The following ELMO1 variants were observed in gnomAD, a reference collection of about 807,000 sequenced individuals.
The protein encoded by ELMO1 is engulfment and cell motility protein 1.
Under a neutral mutation model 98.9 loss-of-function variants are expected in ELMO1, and 26 were observed. That is an observed-to-expected ratio of 0.26 (90% CI 0.19 to 0.36). The LOEUF (loss-of-function observed/expected upper bound fraction) is 0.36. Ranked by LOEUF, ELMO1 falls within the 10% of genes least tolerant of loss-of-function variation. The pLI, the probability that ELMO1 is intolerant of heterozygous loss-of-function variation, is 1.00. For synonymous variants in ELMO1, 346 were observed against 346.0 expected, an observed-to-expected ratio of 1.00 and a Z score of 0.00; for missense variants, 627 against 935.2, an observed-to-expected ratio of 0.67 and a Z score of 4.30.
At chr7:37,168,126 C>T (rs1295814315) in intron 13 of ELMO1, among the ~76,000 whole-genome samples, 3 of 151,982 alleles carry the variant, frequency 2.0e-5, no homozygotes, top group Non-Finnish European at 4.4e-5. Flanking sequence ...TCCAGTTGAT[C>T]GCATTGGCTC....
chr7:37,141,480 T>C (rs1411337616), intron 13 of ELMO1, among the ~76,000 whole-genome samples: 5 of 152,040 alleles, frequency 3.3e-5, no homozygotes, highest in African/African-American at 1.2e-4. Flanking sequence ...CTTATTCATG[T>C]AACCAAACAT....
At chr7:36,897,537 G>A (rs1806140624) in intron 16 of ELMO1, among the ~76,000 whole-genome samples, 1 of 152,124 alleles carries the variant, frequency 6.6e-6, no homozygotes, top group South Asian at 2.1e-4. Flanking sequence ...AGGACCAGCT[G>A]TGGGGCTGAG....
intron 16 of ELMO1, among the ~76,000 whole-genome samples, chr7:36,917,518 A>G (rs1254419135): frequency 6.6e-6 from 1 of 152,204 alleles, no homozygotes; most frequent in Non-Finnish European, 1.5e-5. Flanking sequence ...CCAAATGGGT[A>G]AAAAGTATGT....
intron 16 of ELMO1, among the ~76,000 whole-genome samples, chr7:36,899,717 G>A (rs59964204): frequency 0.33 from 15,871 of 48,360 alleles, 1,372 homozygotes; most frequent in East Asian, 0.52. Flanking sequence ...CCTAAACTAG[G>A]AGTACTAATC....
chr7:37,094,240 T>C (rs946469490), intron 15 of ELMO1, among the ~76,000 whole-genome samples: 1 of 152,042 alleles, frequency 6.6e-6, no homozygotes, highest in African/African-American at 2.4e-5. Context: ...CCTGAGTGAG[T>C]TGTGGCAGAA....
At chr7:37,186,891 G>C (rs915686594) in intron 13 of ELMO1, among the ~76,000 whole-genome samples, 1 of 152,204 alleles carries the variant, frequency 6.6e-6, no homozygotes, top group Non-Finnish European at 1.5e-5. Flanking sequence ...CTTTGGAAAA[G>C]TCTGGCATTT....
At chr7:37,086,765 A>AAAAAAAAAAAG (rs1491293564) in intron 15 of ELMO1, among the ~76,000 whole-genome samples, 19 of 142,606 alleles carry the variant, frequency 1.3e-4, no homozygotes, top group Non-Finnish European at 2.4e-4. Flanking sequence ...AAAAAAAAAA[A>AAAAAAAAAAAG]GAAATCTTTG....
intron 1 of ELMO1, among the ~76,000 whole-genome samples, chr7:37,411,676 T>C (rs1803999837): frequency 6.6e-6 from 1 of 152,194 alleles, no homozygotes; most frequent in South Asian, 2.1e-4. Context: ...ATTGTTATGT[T>C]GAGAAAACTA....
intron 15 of ELMO1, among the ~76,000 whole-genome samples, chr7:37,015,307 A>G (rs1793856718): frequency 6.6e-6 from 1 of 152,058 alleles, no homozygotes; most frequent in Non-Finnish European, 1.5e-5. Flanking sequence ...TCTTAACTAA[A>G]AAAATGGAGG....
At position 36,870,185 on chromosome 7, in the gene ELMO1, GT is replaced by G. The variant is rs1803390115; in HGVS notation, c.1905+207del. Among the ~76,000 whole-genome samples, 1 of 152,048 alleles carries G rather than the reference GT, an allele frequency of 6.6e-6. No individual in the cohort carries two copies. Among genetic ancestry groups the G allele is most frequent in the South Asian group, 2.1e-4 (1 of 4,816 alleles). ...AGGAAGTGAGAGAATGGAAAAGATG[GT>G]GAGCATCAGAAAAGGGGTCAGAAAG... is the stretch of plus-strand genomic sequence containing the variant. On this transcript the variant is annotated intron_variant, in intron 20 of 21. Transcript: ENST00000310758. The surrounding 1 kb of genome is among the most constrained non-coding windows in gnomAD (Gnocchi z 4.4).
chr7:36,923,879 C>T (rs1367712470), intron 16 of ELMO1, among the ~76,000 whole-genome samples: 2 of 152,160 alleles, frequency 1.3e-5, no homozygotes, highest in African/African-American at 4.8e-5. Flanking sequence ...CCAGGCAAAG[C>T]TGTGGAATAG....
intron 1 of ELMO1, among the ~76,000 whole-genome samples, chr7:37,439,675 C>T (rs749046129): frequency 2.6e-5 from 4 of 152,150 alleles, no homozygotes; most frequent in Non-Finnish European, 4.4e-5. Flanking sequence ...TTAAAATATA[C>T]TACAATTAAT....
intron 13 of ELMO1, among the ~76,000 whole-genome samples, chr7:37,158,594 C>T (rs950591116): frequency 6.6e-6 from 1 of 152,160 alleles, no homozygotes; most frequent in East Asian, 1.9e-4. Flanking sequence ...CAAATCAAAA[C>T]CACAATGAGA....
At chr7:37,335,203 C>T (rs972843040) in intron 2 of ELMO1, among the ~76,000 whole-genome samples, 2 of 152,244 alleles carry the variant, frequency 1.3e-5, no homozygotes, top group African/African-American at 2.4e-5. Flanking sequence ...GGAGAAAAGA[C>T]TGCATTATAA....
At chr7:37,311,011 C>A (rs1409710090) in intron 4 of ELMO1, among the ~76,000 whole-genome samples, 1 of 149,888 alleles carries the variant, frequency 6.7e-6, no homozygotes, top group African/African-American at 2.4e-5. Context: ...CTCTCCCTCT[C>A]TCTCTCTCCT....
In ELMO1 at chr7:37,257,550, C is replaced by T. The variant is rs183695134; in HGVS notation, c.413+1631G>A. ...CCATCCTGGCTGACATGGTGAAACC[C>T]TGTCTCTACTAAAAATACAAAAATT... On this transcript the variant is annotated intron_variant, in intron 6 of 21. Transcript: ENST00000310758. Among the ~76,000 whole-genome samples, 837 of 150,914 alleles carry T rather than the reference C, an allele frequency of 5.5e-3. 9 individuals are homozygous for T. Among genetic ancestry groups the T allele is most frequent in the African/African-American group, 0.019 (775 of 41,032 alleles).
Position 37,224,962 on chromosome 7 carries a change from C to T in ELMO1, c.618G>A (p.Glu206=), listed in dbSNP as rs766121607. Residue 206 remains glutamate (E), a synonymous_variant, in exon 9 of 22, where the codon GAG becomes GAA. Coordinates refer to ENST00000310758, the MANE Select transcript of ELMO1 (RefSeq NM_014800.11). The part of the protein sequence containing the change: ...SILQRSLAIL[E]SMVLNSHDLY... The stretch of plus-strand genomic sequence containing the variant: ...GGTCATGGCTATTGAGCACCATCGA[C>T]TCCAAAATGGCCAAGGACCGCTGCA... 1.1e-5 allele frequency: 17 copies of T among 1,614,142 alleles called. No individual in the cohort carries two copies. The highest frequency in any genetic ancestry group is 1.4e-5 in the Non-Finnish European group (17 of 1,180,008).
At position 36,934,869 on chromosome 7, in the gene ELMO1, G is replaced by A. The variant is rs148539952; in HGVS notation, c.1438-39852C>T. Among the ~76,000 whole-genome samples the A allele has an allele frequency of 4.0e-3, 602 of 152,290 alleles. 6 individuals carry two copies. Among genetic ancestry groups the A allele is most frequent in the African/African-American group, 0.014 (566 of 41,570 alleles). ...CCAGGTTGTCCCCAAGGTCTAAGCC[G>A]AGGAAGCTTGTTCTTCATTTCTCAT... On this transcript the variant is annotated intron_variant, in intron 16 of 21. Transcript: ENST00000310758.
intron 17 of ELMO1, among the ~76,000 whole-genome samples, chr7:36,887,877 T>C (rs1562798456): frequency 6.6e-6 from 1 of 152,166 alleles, no homozygotes; most frequent in African/African-American, 2.4e-5. Context: ...TCTGTGACAT[T>C]TACAGAATTC....
Sources: allele counts gnomAD v4.1 joint callset (sites outside exome capture counted in the v4.1 genomes callset), GRCh38; gene constraint gnomAD v4.1.1; non-coding constraint Gnocchi (gnomAD v3.1); transcripts MANE v1.5; gene names NCBI Gene and HGNC (gene_info 2026-07-23, HGNC 2026-07-21).